ARHGEF40: variants seen among roughly 807,000 people sequenced by gnomAD.
ARHGEF40 encodes Rho guanine nucleotide exchange factor 40, also known as Rho guanine nucleotide exchange factor (GEF) 40.
In ARHGEF40, 98 loss-of-function variants were observed where a neutral mutation model predicts 165.9. The observed-to-expected ratio is 0.59, with a 90% CI of 0.50 to 0.70. ARHGEF40 has a LOEUF of 0.70. Among genes scored for constraint, ARHGEF40 ranks in the 30% least tolerant of loss-of-function variants. The pLI, the probability that ARHGEF40 is intolerant of heterozygous loss-of-function variation, is 0.00. For synonymous variants in ARHGEF40, 792 were observed against 814.3 expected (o/e 0.97, Z 0.47); for missense variants, 1,815 against 1,968.0 (o/e 0.92, Z 1.47).
Position 21,073,156 on chromosome 14 carries a change from A to C in ARHGEF40, c.115A>C (p.Thr39Pro). 1 of 1,614,050 alleles carries C rather than the reference A, an allele frequency of 6.2e-7. No homozygotes were observed. Among genetic ancestry groups the C allele is most frequent in the Non-Finnish European group, 8.5e-7 (1 of 1,179,996 alleles). The change falls in exon 2 of 24, where the codon ACT becomes CCT. Residue 39 changes from threonine to proline, a missense_variant. Physicochemically the swap from Thr to Pro is conservative, Grantham distance 38 (BLOSUM62 -1). Transcript: ENST00000298694. The surrounding 1 kb of genome is among the most constrained non-coding windows in gnomAD (Gnocchi z 4.6). The part of the protein sequence containing the change: ...LGQVFQVVER[T>P]YREDALRYTL... ...CCAGGTGTTCCAGGTGGTGGAGAGG[A>C]CTTATCGGGAGGACGCACTGAGGTA... is the stretch of plus-strand genomic sequence containing the variant.
rs772521058 is a variant in ARHGEF40 at position 21,088,839 on chromosome 14, C to T, written c.4528C>T (p.Arg1510Ter). 6.2e-6 allele frequency: 10 copies of T among 1,613,132 alleles called. No homozygotes were observed. Among genetic ancestry groups the T allele is most frequent in the South Asian group, 2.2e-5 (2 of 91,018 alleles). The change falls in exon 23 of 24, where the codon CGA (arginine) becomes TGA (stop). Residue 1510 changes from arginine to a stop codon, truncating the protein, a stop_gained. Coordinates refer to ENST00000298694, the MANE Select transcript of ARHGEF40 (RefSeq NM_018071.5). LOFTEE classifies it high-confidence loss of function. ...ILGLSRQSHA[R>*]ALSDPTTPL ...GCTTCTCTCCCCCCAGAGTCATGCT[C>T]GAGCCCTGAGTGACCCCACCACGCC...
Position 21,072,937 on chromosome 14 carries a change from G to C in ARHGEF40, c.4-108G>C. 8.6e-7 allele frequency: 1 copy of C among 1,163,334 alleles called. No individual in the cohort carries two copies. The highest frequency in any genetic ancestry group is 1.2e-6 in the Non-Finnish European group (1 of 814,450). 72.1% of individuals were successfully genotyped at this position (1,163,334 alleles called of 1,614,324 possible). On this transcript the variant is annotated intron_variant, in intron 1 of 23. Transcript: ENST00000298694. The surrounding 1 kb of genome is among the most constrained non-coding windows in gnomAD (Gnocchi z 4.1). ...TGAGTGCTCACTTTTTGCCCACATT[G>C]TACAATCGGGGCTTTGGAGAACACA...
rs61734998 is a variant in ARHGEF40 at position 21,082,907 on chromosome 14, C to A, written c.3563C>A (p.Pro1188His). 1.6e-3 allele frequency: 2,518 copies of A among 1,614,058 alleles called. 23 individuals are homozygous for A. The African/African-American group carries it at 0.024, about 15-fold the overall frequency. ...GAGAATGGTCTGGCTGCGCTCAGTC[C>A]CTTAAGCAAGGTAACTTTTTCTCCA... ...KLENGLAALS[P>H]LSKGSMEAGP... is the part of the protein sequence containing the mutation. The change falls in exon 16 of 24, where the codon CCC becomes CAC. Residue 1188 changes from proline (P) to histidine (H), a missense_variant. Pro to His is a moderately conservative substitution (Grantham distance 77). Transcript: ENST00000298694.
chr14:21,081,436 C>T (rs966409771), intron 13 of ARHGEF40, 73 bp from the exon 14 acceptor site: 20 of 1,562,476 alleles, frequency 1.3e-5, no homozygotes, highest in Non-Finnish European at 1.6e-5. Context: ...CAAGGGCTGT[C>T]ACTGGGCATC....
At chr14:21,076,163 C>A (rs941758335) in intron 5 of ARHGEF40, among the ~76,000 whole-genome samples, 197 bp from the exon 6 acceptor site, 6 of 152,210 alleles carry the variant, frequency 3.9e-5, no homozygotes, top group African/African-American at 1.4e-4. Context: ...AATATAGACC[C>A]CTGACTGCTA....
chr14:21,067,163 A>C (rs1488846692), upstream of ARHGEF40, among the ~76,000 whole-genome samples: 1 of 152,220 alleles, frequency 6.6e-6, no homozygotes, highest in Non-Finnish European at 1.5e-5. Flanking sequence ...GTACAGACAC[A>C]GGTGTTTCTT....
chr14:21,081,581 G>T lies in ARHGEF40; in HGVS notation c.2713G>T (p.Ala905Ser). The T allele has an allele frequency of 6.2e-7, 1 of 1,612,228 alleles. No homozygotes were observed. Among genetic ancestry groups the T allele is most frequent in the Non-Finnish European group, 8.5e-7 (1 of 1,179,678 alleles). ...AGPGREAVLA[A>S]LALRRAPEPS... is the part of the protein sequence containing the mutation. ...GCCGGGTCGGGAGGCTGTGCTGGCT[G>T]CACTGGCCCTGCGGCGGGCCCCAGA... Residue 905 changes from alanine to serine, a missense_variant, in exon 14 of 24, where the codon GCA (alanine) becomes TCA (serine). Transcript: ENST00000298694.
chr14:21,067,700 C>T (rs1403229904), upstream of ARHGEF40, among the ~76,000 whole-genome samples: 2 of 151,952 alleles, frequency 1.3e-5, no homozygotes, highest in African/African-American at 4.8e-5. Context: ...TATAACTTTA[C>T]CCTTTCATAT....
intron 13 of ARHGEF40, 47 bp downstream of exon 13, chr14:21,081,063 T>C (rs767025844): frequency 1.5e-5 from 23 of 1,575,536 alleles, no homozygotes; most frequent in Non-Finnish European, 1.7e-5. Context: ...TTCCATTTAT[T>C]CACTTCCTTT....
At chr14:21,087,641 C>A in intron 21 of ARHGEF40, 178 bp downstream of exon 21, 2 of 886,334 alleles carry the variant, frequency 2.3e-6, no homozygotes, top group Non-Finnish European at 3.4e-6. Flanking sequence ...ATGCTTACAA[C>A]AGCCTGTTGC....
Position 21,085,640 on chromosome 14 carries a change from C to A in ARHGEF40, c.3961-49C>A, listed in dbSNP as rs188971373. On this transcript the variant is annotated intron_variant, in intron 18 of 23. Coordinates refer to ENST00000298694, the MANE Select transcript of ARHGEF40 (RefSeq NM_018071.5). ...CCAGTGCTTGCCATGTGGCGCCACC[C>A]AGCCAGGACTCACTCTGTCTTCACC... is the stretch of plus-strand genomic sequence containing the variant. The A allele has an allele frequency of 3.6e-4, 567 of 1,582,354 alleles. 3 individuals carry two copies. In the Middle Eastern group the frequency reaches 6.9e-3, roughly 19 times the overall value.
upstream of ARHGEF40, among the ~76,000 whole-genome samples, chr14:21,068,885 A>G (rs1886444353): frequency 6.6e-6 from 1 of 152,246 alleles, no homozygotes; most frequent in African/African-American, 2.4e-5. Context: ...GGTGGAGGTT[A>G]GCGTCCAGAG....
rs1254122360 is a variant in ARHGEF40, at chr14:21,083,889, C to T, written c.3628C>T (p.Gln1210Ter). The T allele has an allele frequency of 5.0e-6, 8 of 1,613,990 alleles. No individual in the cohort carries two copies. The highest frequency in any genetic ancestry group is 1.3e-5 in the African/African-American group (1 of 74,932). The change falls in exon 17 of 24, where the codon CAG becomes TAG. Residue 1210 changes from glutamine to a stop codon, truncating the protein, a stop_gained. Coordinates refer to ENST00000298694, the MANE Select transcript of ARHGEF40 (RefSeq NM_018071.5). LOFTEE classifies it high-confidence loss of function. ...LPRALQQPLEQLTRYGRLLEE... is the reference protein window; with the variant it reads ...LPRALQQPLE ...CCGAGCCCTGCAGCAGCCTCTGGAA[C>T]AGCTGACTCGGTATGGGCGGCTCCT... is the stretch of plus-strand genomic sequence containing the variant.
chr14:21,062,367 C>T, the ARHGEF40 span, among the ~76,000 whole-genome samples: 12 of 152,312 alleles, frequency 7.9e-5, no homozygotes, highest in East Asian at 1.5e-3. Flanking sequence ...GGGCATGCGA[C>T]TGGCAGTGGA....
the ARHGEF40 span, among the ~76,000 whole-genome samples, chr14:21,062,213 G>A: frequency 6.6e-6 from 1 of 152,182 alleles, no homozygotes; most frequent in Non-Finnish European, 1.5e-5. Context: ...AACTCACATT[G>A]ACACTACAAG....
intron 15 of ARHGEF40, 97 bp from the exon 16 acceptor site, chr14:21,082,734 C>A: frequency 7.6e-7 from 1 of 1,311,140 alleles, no homozygotes; most frequent in Non-Finnish European, 1.1e-6. Context: ...GTGACCCATC[C>A]CTCATTTGGG....
At position 21,084,375 on chromosome 14, in the gene ARHGEF40, A is replaced by G. The variant is rs1175972709; in HGVS notation, c.3789+325A>G. Among the ~76,000 whole-genome samples, 3 of 152,068 alleles carry G rather than the reference A, an allele frequency of 2.0e-5. No homozygotes were observed. In the East Asian group the frequency reaches 5.8e-4, roughly 29 times the overall value. On this transcript the variant is annotated intron_variant, in intron 17 of 23. Coordinates refer to ENST00000298694, the MANE Select transcript of ARHGEF40 (RefSeq NM_018071.5). ...ACCCAACACATACCTTGTCTCGTCT[A>G]CCTAGTCTTTTTCCAGCCCTGAGGT...
chr14:21,065,169 CAA>C, the ARHGEF40 span, among the ~76,000 whole-genome samples: 1 of 135,264 alleles, frequency 7.4e-6, no homozygotes. Context: ...AACTCCATCT[CAA>C]AAAAAAAAAA....
chr14:21,070,394 GC>G lies in ARHGEF40; in HGVS notation c.-1del. ...AGCGTCGGACGCGGCCCGGCGCCGA[GC>G]CATGGTGAGTCCAGCGTCGCAGCCC... On this transcript the variant is annotated 5_prime_UTR_variant, in exon 1 of 24. Coordinates refer to ENST00000298694, the MANE Select transcript of ARHGEF40 (RefSeq NM_018071.5). The surrounding 1 kb of genome is among the most constrained non-coding windows in gnomAD (Gnocchi z 4.7). The G allele has an allele frequency of 7.1e-7, 1 of 1,416,514 alleles. No individual in the cohort carries two copies. 87.7% of individuals were successfully genotyped at this position (1,416,514 alleles called of 1,614,324 possible).
Sources: gnomAD v4.1 joint callset for allele counts (sites outside exome capture counted in the v4.1 genomes callset) on GRCh38, gnomAD v4.1.1 for gene constraint, Gnocchi (gnomAD v3.1) non-coding constraint, MANE v1.5 for transcripts, NCBI Gene and HGNC (gene_info 2026-07-23, HGNC 2026-07-21) for gene names.